Variants in DMD observed in about 807,000 individuals in gnomAD.
The protein encoded by DMD is dystrophin, also known as mutant dystrophin.
DMD carries 63 observed loss-of-function variants against 330.1 expected under a neutral mutation model. The observed-to-expected ratio is 0.19, with a 90% CI of 0.16 to 0.24. The LOEUF is 0.24. Among genes scored for constraint, DMD ranks in the 10% least tolerant of loss-of-function variants. The pLI, the probability that DMD is intolerant of heterozygous loss-of-function variation, is 1.00. For missense variants in DMD, 3,344 were observed against 2,684.1 expected, an observed-to-expected ratio of 1.25 and a Z score of -5.43; for synonymous variants, 1,223 against 959.8, an observed-to-expected ratio of 1.27 and a Z score of -5.07.
At chrX:31,215,510 C>T (rs1215986666) in intron 64 of DMD, among the ~76,000 whole-genome samples, 3 of 111,387 alleles carry the variant, frequency 2.7e-5, no homozygotes, top group Non-Finnish European at 5.7e-5. Flanking sequence ...GGTTAGTATT[C>T]GTTAATGTCT....
In DMD at chrX:32,470,267, T is replaced by C. The variant is rs1157460304; in HGVS notation, c.2950-1557A>G. Among the ~76,000 whole-genome samples the C allele has an allele frequency of 8.1e-5, 9 of 111,628 alleles. No homozygotes were observed. In the Admixed American group the frequency reaches 8.6e-4, roughly 11 times the overall value. On this transcript the variant is annotated intron_variant, in intron 22 of 78. Transcript: ENST00000357033. ...AAAAGATTCCTTGGTATCATATTTC[T>C]TTAAAATTGTCTCTGGTGTTTTTAC... is the stretch of plus-strand genomic sequence containing the variant.
intron 61 of DMD, among the ~76,000 whole-genome samples, chrX:31,343,162 A>T (rs1238113779): frequency 8.9e-6 from 1 of 112,041 alleles, no homozygotes; most frequent in East Asian, 2.8e-4. Flanking sequence ...TTAATCACAG[A>T]CATATGAAGA....
At chrX:32,344,195 A>G (rs2097756792) in intron 39 of DMD, among the ~76,000 whole-genome samples, 2 of 112,097 alleles carry the variant, frequency 1.8e-5, no homozygotes, top group Admixed American at 1.9e-4. Context: ...TTTCATTTCT[A>G]CAGAAAGTAG....
At chrX:33,215,093 G>A (rs1038657485), upstream of DMD, among the ~76,000 whole-genome samples, 21 of 111,487 alleles carry the variant, frequency 1.9e-4, 2 homozygotes, top group Admixed American at 1.8e-3. Context: ...CTATTACTTT[G>A]AGAAGTTGAG....
chrX:32,112,449 A>C (rs1270641012), intron 44 of DMD, among the ~76,000 whole-genome samples: 1 of 111,885 alleles, frequency 8.9e-6, no homozygotes, highest in Non-Finnish European at 1.9e-5. Flanking sequence ...GGCCAACTGT[A>C]TTCAAGTAGC....
intron 7 of DMD, among the ~76,000 whole-genome samples, chrX:32,702,261 G>C (rs1402205605): frequency 8.9e-6 from 1 of 111,983 alleles, no homozygotes; most frequent in Non-Finnish European, 1.9e-5. Flanking sequence ...TGTTTAACAT[G>C]TTCAGATTTT....
chrX:32,780,161 G>C (rs1056251127), intron 7 of DMD, among the ~76,000 whole-genome samples: 2 of 111,438 alleles, frequency 1.8e-5, no homozygotes, highest in South Asian at 3.7e-4. Context: ...GTTTCTAATT[G>C]TAACAGTCAA....
intron 1 of DMD, among the ~76,000 whole-genome samples, chrX:33,326,695 C>T (rs2054094205): frequency 8.9e-6 from 1 of 111,918 alleles, no homozygotes; most frequent in African/African-American, 3.2e-5. Flanking sequence ...CACCTGTGGA[C>T]TTTAAGCAGT....
At chrX:32,260,678 T>C (rs1308630739) in intron 43 of DMD, among the ~76,000 whole-genome samples, 1 of 109,744 alleles carries the variant, frequency 9.1e-6, no homozygotes, top group Non-Finnish European at 1.9e-5. Context: ...CTCTCAGTGC[T>C]GCCCTCCCTC....
At chrX:32,993,615 AAAAC>A (rs1329973439) in intron 2 of DMD, among the ~76,000 whole-genome samples, 2 of 110,673 alleles carry the variant, frequency 1.8e-5, no homozygotes, top group Non-Finnish European at 1.9e-5. Flanking sequence ...AGGAAAAAAA[AAAAC>A]AAATAGAAAA....
At chrX:33,096,137 G>A (rs2095159687) in intron 1 of DMD, among the ~76,000 whole-genome samples, 1 of 109,211 alleles carries the variant, frequency 9.2e-6, no homozygotes, top group African/African-American at 3.3e-5. Context: ...ACCACGCCCG[G>A]CTAACTTTTT....
rs1603634605 is a variant in DMD, at chrX:32,484,966, T to C, written c.2756A>G (p.Lys919Arg). The change falls in exon 21 of 79, where the codon AAG becomes AGG. Residue 919 changes from lysine (K) to arginine (R), a missense_variant. Lys to Arg is a conservative substitution (Grantham distance 26). Transcript: ENST00000357033. Reference sequence around the variant, plus strand: ...GGCCTGCACATCAGAAAAGACTTGCTTAAAATGATTTGTAAAGGCCACAAA... The same window carrying C: ...GGCCTGCACATCAGAAAAGACTTGCCTAAAATGATTTGTAAAGGCCACAAA... ...ADFVAFTNHF[K>R]QVFSDVQARE... 1 of 1,211,634 alleles carries C rather than the reference T, an allele frequency of 8.3e-7. No homozygotes were observed. Among genetic ancestry groups the C allele is most frequent in the East Asian group, 3.0e-5 (1 of 33,821 alleles).
chrX:33,047,775 C>T (rs942851876), intron 1 of DMD, among the ~76,000 whole-genome samples: 3 of 111,505 alleles, frequency 2.7e-5, no homozygotes, highest in African/African-American at 9.8e-5. Context: ...CCAAAACGCC[C>T]TCAGAATTAC....
intron 2 of DMD, among the ~76,000 whole-genome samples, chrX:32,866,828 G>C (rs1170852040): frequency 1.8e-5 from 2 of 108,890 alleles, no homozygotes; most frequent in African/African-American, 6.7e-5. Flanking sequence ...CCGTCTCCCA[G>C]TGTCAAGCGA....
At chrX:32,783,199 C>T (rs2074996300) in intron 7 of DMD, among the ~76,000 whole-genome samples, 1 of 93,490 alleles carries the variant, frequency 1.1e-5, no homozygotes, top group Non-Finnish European at 2.2e-5. Context: ...TATATGTATA[C>T]ATATACACAT....
intron 1 of DMD, among the ~76,000 whole-genome samples, chrX:33,296,857 A>G (rs1398050589): frequency 9.0e-6 from 1 of 111,644 alleles, no homozygotes; most frequent in Non-Finnish European, 1.9e-5. Flanking sequence ...ACTGAATCTA[A>G]ACTTATTCAC....
At chrX:32,618,930 C>T (rs1480895128) in intron 11 of DMD, among the ~76,000 whole-genome samples, 1 of 111,100 alleles carries the variant, frequency 9.0e-6, no homozygotes, top group Non-Finnish European at 1.9e-5. Context: ...AACAACAAAA[C>T]TACAATATGA....
At chrX:32,120,103 A>G (rs2146747831) in intron 44 of DMD, among the ~76,000 whole-genome samples, 1 of 112,595 alleles carries the variant, frequency 8.9e-6, no homozygotes, top group South Asian at 3.6e-4. Context: ...GAAGGAAAAA[A>G]CAGTTTATCC....
At chrX:32,433,283 C>T (rs1310286080) in intron 29 of DMD, among the ~76,000 whole-genome samples, 1 of 111,969 alleles carries the variant, frequency 8.9e-6, no homozygotes, top group Non-Finnish European at 1.9e-5. Flanking sequence ...CAAATGGTCA[C>T]GTGCCTAGGC....
Sources: allele counts gnomAD v4.1 joint callset (sites outside exome capture counted in the v4.1 genomes callset), GRCh38; gene constraint gnomAD v4.1.1; transcripts MANE v1.5; gene names NCBI Gene and HGNC (gene_info 2026-07-23, HGNC 2026-07-21).